Variants in BIVM observed in about 807,000 individuals in gnomAD.
BIVM encodes the protein basic immunoglobulin-like variable motif-containing protein.
A neutral mutation model predicts 61.4 loss-of-function variants in BIVM; 31 were observed. The ratio of observed to expected loss-of-function variants is 0.51; its 90% CI spans 0.38 to 0.68. BIVM has a LOEUF of 0.68. Among genes scored for constraint, BIVM ranks in the 30% least tolerant of loss-of-function variants. The pLI is 0.00. For missense variants in BIVM, 526 were observed against 596.0 expected (o/e 0.88, Z 1.22); for synonymous variants, 189 against 210.7 (o/e 0.90, Z 0.89).
At chr13:102,811,582 G>A (rs1719120529) in intron 3 of BIVM, among the ~76,000 whole-genome samples, 1 of 152,218 alleles carries the variant, frequency 6.6e-6, no homozygotes, top group Non-Finnish European at 1.5e-5. Flanking sequence ...GGAGTGCAAT[G>A]GCACGATCTT....
chr13:102,811,836 A>G (rs1879519009), intron 3 of BIVM, among the ~76,000 whole-genome samples: 2 of 152,356 alleles, frequency 1.3e-5, no homozygotes, highest in South Asian at 4.1e-4. Context: ...CAATTTTATT[A>G]TAACATATAT....
At chr13:102,832,212 A>G (rs1426009089) in intron 8 of BIVM, among the ~76,000 whole-genome samples, 2 of 152,152 alleles carry the variant, frequency 1.3e-5, no homozygotes, top group African/African-American at 2.4e-5. Context: ...TCTCTTAGAG[A>G]CAGGGTCTCA....
chr13:102,829,629 G>C (rs1880916838), intron 7 of BIVM, among the ~76,000 whole-genome samples: 1 of 151,920 alleles, frequency 6.6e-6, no homozygotes, highest in African/African-American at 2.4e-5. Context: ...ACTTGATTTT[G>C]GGAATTTGAG....
At chr13:102,809,304 A>G (rs929296356) in intron 3 of BIVM, among the ~76,000 whole-genome samples, 2 of 152,220 alleles carry the variant, frequency 1.3e-5, no homozygotes, top group African/African-American at 4.8e-5. Context: ...TTTAATTTCT[A>G]GATATTAATA....
At chr13:102,830,766 G>A (rs913610122) in intron 7 of BIVM, among the ~76,000 whole-genome samples, 4 of 152,152 alleles carry the variant, frequency 2.6e-5, no homozygotes, top group African/African-American at 9.7e-5. Context: ...GAATTTATTG[G>A]GTGAAAAGGA....
chr13:102,820,248 A>C (rs1290357658), intron 4 of BIVM: 1 of 149,768 alleles, frequency 6.7e-6, no homozygotes, highest in Non-Finnish European at 1.5e-5. Context: ...GCTACTCGGG[A>C]GGCTGAGGCA....
At chr13:102,804,141 G>GT (rs2139137726) in intron 1 of BIVM, among the ~76,000 whole-genome samples, 1 of 152,270 alleles carries the variant, frequency 6.6e-6, no homozygotes, top group South Asian at 2.1e-4. Flanking sequence ...AAACTGAAGA[G>GT]TTTTTTGTTT....
intron 1 of BIVM, chr13:102,801,680 A>G (rs531028169): frequency 6.6e-6 from 1 of 152,384 alleles, no homozygotes; most frequent in East Asian, 1.9e-4. Context: ...TGAGACGTCT[A>G]CAAATCCTAG....
At chr13:102,815,164 G>A (rs935271500) in intron 3 of BIVM, among the ~76,000 whole-genome samples, 1 of 152,166 alleles carries the variant, frequency 6.6e-6, no homozygotes, top group Admixed American at 6.5e-5. Context: ...TGTAATAATA[G>A]TTCCTGAGTT....
intron 5 of BIVM, 25 bp from the exon 6 acceptor site, chr13:102,821,718 A>G (rs773854671): frequency 6.2e-7 from 1 of 1,604,664 alleles, no homozygotes; most frequent in Non-Finnish European, 8.5e-7. Flanking sequence ...TGAAAAATGA[A>G]AGGCAATGAA....
chr13:102,839,445 C>G, intron 10 of BIVM, 127 bp from the exon 11 acceptor site: 1 of 1,271,816 alleles, frequency 7.9e-7, no homozygotes, highest in Non-Finnish European at 1.1e-6. Context: ...TCTGATGATG[C>G]CTGGAAGGAA....
At chr13:102,838,826 C>A in intron 10 of BIVM, 87 bp downstream of exon 10, 2 of 1,186,642 alleles carry the variant, frequency 1.7e-6, no homozygotes, top group Non-Finnish European at 1.2e-6. Flanking sequence ...TTGCAAGTAA[C>A]AGAAACCTAT....
At chr13:102,809,752 A>AT (rs1879349825) in intron 3 of BIVM, among the ~76,000 whole-genome samples, 1 of 150,244 alleles carries the variant, frequency 6.7e-6, no homozygotes, top group South Asian at 2.1e-4. Context: ...CATCATCACT[A>AT]TTCATCTCCA....
At chr13:102,821,652 C>A (rs1880294426) in intron 5 of BIVM, 91 bp from the exon 6 acceptor site, 2 of 1,053,606 alleles carry the variant, frequency 1.9e-6, no homozygotes, top group Non-Finnish European at 2.7e-6. Flanking sequence ...ATATTATTTG[C>A]AAATCAGACA....
intron 8 of BIVM, among the ~76,000 whole-genome samples, chr13:102,834,230 A>C (rs1429244519): frequency 6.6e-6 from 1 of 152,188 alleles, no homozygotes; most frequent in Non-Finnish European, 1.5e-5. Context: ...GAGGTGGTAT[A>C]TTAAAACATT....
chr13:102,800,250 C>T (rs930286343), intron 1 of BIVM, among the ~76,000 whole-genome samples: 1 of 152,224 alleles, frequency 6.6e-6, no homozygotes, highest in African/African-American at 2.4e-5. Flanking sequence ...GCCCGTGGGC[C>T]CCCTTTAACA....
intron 8 of BIVM, among the ~76,000 whole-genome samples, chr13:102,831,948 G>C (rs1881117858): frequency 6.6e-6 from 1 of 150,846 alleles, no homozygotes. Context: ...GGGAGGCTGA[G>C]GGAGGAGAAT....
intron 1 of BIVM, among the ~76,000 whole-genome samples, chr13:102,804,607 G>A (rs532999903): frequency 5.3e-4 from 81 of 152,188 alleles, no homozygotes; most frequent in African/African-American, 1.9e-3. Context: ...CACTGCACCC[G>A]GCCCTTACTG....
At chr13:102,830,315 A>G (rs1158956260) in intron 7 of BIVM, among the ~76,000 whole-genome samples, 1 of 152,136 alleles carries the variant, frequency 6.6e-6, no homozygotes, top group Admixed American at 6.5e-5. Flanking sequence ...CAGCTATTTC[A>G]GTGGCCAGAA....
Sources: allele counts gnomAD v4.1 joint callset (sites outside exome capture counted in the v4.1 genomes callset), GRCh38; gene constraint gnomAD v4.1.1; transcripts MANE v1.5; gene names NCBI Gene and HGNC (gene_info 2026-07-23, HGNC 2026-07-21).